Variants in RFX2 observed in about 807,000 individuals in gnomAD.
The protein encoded by RFX2 is DNA-binding protein RFX2.
A neutral mutation model predicts 87.8 loss-of-function variants in RFX2; 20 were observed. The observed-to-expected ratio is 0.23, with a 90% CI of 0.16 to 0.33. The LOEUF (loss-of-function observed/expected upper bound fraction) is 0.33, where lower values mean the gene tolerates loss of function less well. RFX2 is among the 10% of genes least tolerant of loss of function. The pLI is 1.00. For missense variants in RFX2, 767 were observed against 1,012.3 expected, an observed-to-expected ratio of 0.76 and a Z score of 3.29; for synonymous variants, 397 against 431.3, an observed-to-expected ratio of 0.92 and a Z score of 0.98.
At position 6,016,280 on chromosome 19, in the gene RFX2, A is replaced by G; in HGVS notation, c.598-9T>C. On this transcript the variant is annotated splice_polypyrimidine_tract_variant and intron_variant, in intron 6 of 17. Transcript: ENST00000303657. This position sits in a 1 kb window ranked among gnomAD's most constrained non-coding sequence, Gnocchi z 5.4. ...TCCAACAGCCACTGGAGCTGTAAAA[A>G]GAAAGACACGTCTGCGTTTGTCAGA... The G allele has an allele frequency of 6.3e-7, 1 of 1,589,668 alleles. No individual in the cohort carries two copies. Among genetic ancestry groups the G allele is most frequent in the Non-Finnish European group, 8.6e-7 (1 of 1,164,596 alleles).
chr19:6,008,030 G>C, intron 10 of RFX2, 76 bp downstream of exon 10: 4 of 1,117,032 alleles, frequency 3.6e-6, no homozygotes, highest in Non-Finnish European at 4.0e-6. Context: ...AGCGTCACCC[G>C]GGGACGCCTG....
chr19:6,054,132 G>C (rs1316719338), intron 1 of RFX2, among the ~76,000 whole-genome samples: 1 of 151,874 alleles, frequency 6.6e-6, no homozygotes, highest in Non-Finnish European at 1.5e-5. Context: ...AACAACTTTA[G>C]CCCATAAATT....
chr19:6,034,091 A>T (rs2086988315), intron 5 of RFX2, among the ~76,000 whole-genome samples: 1 of 152,078 alleles, frequency 6.6e-6, no homozygotes, highest in Non-Finnish European at 1.5e-5. Flanking sequence ...TTATTTAGAG[A>T]CAGAGTCTTG....
chr19:6,042,617 A>G (rs1568521451), intron 3 of RFX2, among the ~76,000 whole-genome samples: 1 of 151,448 alleles, frequency 6.6e-6, no homozygotes, highest in East Asian at 1.9e-4. Flanking sequence ...TGGCCCCAAC[A>G]CCCCCCGTGG....
rs149368175 is a variant in RFX2, at chr19:6,007,851, G to T, written c.1135-49C>A. 7 of 1,279,260 alleles carry T rather than the reference G, an allele frequency of 5.5e-6. No homozygotes were observed. The highest frequency in any genetic ancestry group is 7.8e-6 in the Non-Finnish European group (7 of 898,820). The allele number at this position is 1,279,260 out of a possible 1,614,324, so 79.2% of individuals were successfully genotyped here. On this transcript the variant is annotated intron_variant, in intron 10 of 17. Coordinates refer to ENST00000303657, the MANE Select transcript of RFX2 (RefSeq NM_000635.4). The surrounding 1 kb of genome is among the most constrained non-coding windows in gnomAD (Gnocchi z 8.2). ...ACAGACGGGTGCGTGCGCCCATCACGTGCACTCAGCACACGTCAAGTGAGC... is the reference window on the plus strand; with the variant it reads ...ACAGACGGGTGCGTGCGCCCATCACTTGCACTCAGCACACGTCAAGTGAGC...
At chr19:6,075,425 G>A (rs1599909637) in intron 1 of RFX2, among the ~76,000 whole-genome samples, 2 of 152,168 alleles carry the variant, frequency 1.3e-5, no homozygotes. Flanking sequence ...AAGTATCAAC[G>A]GTCAATGGAA....
rs1443349181 is a variant in RFX2, at chr19:6,001,157, C to T, written c.1859+658G>A. Among the ~76,000 whole-genome samples the T allele has an allele frequency of 1.3e-5, 2 of 152,222 alleles. No homozygotes were observed. The highest frequency in any genetic ancestry group is 2.4e-5 in the African/African-American group (1 of 41,458). ...TTGTTCGGAAGTCTAATGCTGCTCCCATCCCCAGCCTGTTTCTTTCTCTCT... is the reference window on the plus strand; with the variant it reads ...TTGTTCGGAAGTCTAATGCTGCTCCTATCCCCAGCCTGTTTCTTTCTCTCT... On this transcript the variant is annotated intron_variant, in intron 15 of 17. Transcript: ENST00000303657. This position sits in a 1 kb window ranked among gnomAD's most constrained non-coding sequence, Gnocchi z 5.6.
chr19:6,052,002 C>T (rs549765486), intron 1 of RFX2, among the ~76,000 whole-genome samples: 3 of 152,236 alleles, frequency 2.0e-5, no homozygotes, highest in East Asian at 1.9e-4. Flanking sequence ...CTCAGCCTCC[C>T]GAGTAGCTGG....
At chr19:6,029,309 A>C (rs2144740462) in intron 5 of RFX2, among the ~76,000 whole-genome samples, 1 of 152,224 alleles carries the variant, frequency 6.6e-6, no homozygotes, top group Admixed American at 6.5e-5. Flanking sequence ...AAATAGGACT[A>C]TCTCTGAGAA....
chr19:6,073,389 T>G, intron 1 of RFX2: 1 of 1,147,324 alleles, frequency 8.7e-7, no homozygotes. Flanking sequence ...GAGCTGGAAG[T>G]GCTGATGTGC....
chr19:6,036,632 CA>C (rs1344956417), intron 5 of RFX2, among the ~76,000 whole-genome samples: 3 of 152,076 alleles, frequency 2.0e-5, no homozygotes, highest in Non-Finnish European at 4.4e-5. Context: ...CCAATGAAGA[CA>C]AAAATATGCT....
rs377373385 is a variant in RFX2 at position 6,060,867 on chromosome 19, G to T, written c.-8-13363C>A. 5.1e-4 allele frequency among the ~76,000 whole-genome samples: 77 copies of T among 151,920 alleles called. No homozygotes were observed. The Middle Eastern group carries it at 0.017, about 34-fold the overall frequency. Reference sequence around the variant, plus strand: ...CTCCCCTGTCACACTCAATGTGGACGACCTCCCGGCACCAGGACTCCCAGC... The same window carrying T: ...CTCCCCTGTCACACTCAATGTGGACTACCTCCCGGCACCAGGACTCCCAGC... On this transcript the variant is annotated intron_variant, in intron 1 of 17. Coordinates refer to ENST00000303657, the MANE Select transcript of RFX2 (RefSeq NM_000635.4).
In RFX2 at chr19:6,045,399, G is replaced by C. The variant is rs2087172659; in HGVS notation, c.91-1117C>G. Among the ~76,000 whole-genome samples the C allele has an allele frequency of 6.6e-6, 1 of 152,180 alleles. No individual in the cohort carries two copies. The highest frequency in any genetic ancestry group is 1.5e-5 in the Non-Finnish European group (1 of 68,032). On this transcript the variant is annotated intron_variant, in intron 2 of 17. Coordinates refer to ENST00000303657, the MANE Select transcript of RFX2 (RefSeq NM_000635.4). The surrounding 1 kb of genome is among the most constrained non-coding windows in gnomAD (Gnocchi z 5.2). ...AGGAAGGCAGAGTCCACCTAGGCCT[G>C]GGAGAGCCTGAGAGAGGGGCTTGGC...
In RFX2 at chr19:6,013,108, G is replaced by A; in HGVS notation, c.780-3C>T. ...AGTAATGGTACTTCGAGTTGCCCCT[G>A]GAAACCAAACATCCCAGGGTCAGCT... On this transcript the variant is annotated splice_region_variant and splice_polypyrimidine_tract_variant and intron_variant, in intron 7 of 17. Transcript: ENST00000303657. This position sits in a 1 kb window ranked among gnomAD's most constrained non-coding sequence, Gnocchi z 4.1. The A allele has an allele frequency of 6.3e-7, 1 of 1,586,544 alleles. No homozygotes were observed. Among genetic ancestry groups the A allele is most frequent in the East Asian group, 2.3e-5 (1 of 43,222 alleles).
intron 1 of RFX2, among the ~76,000 whole-genome samples, chr19:6,080,756 G>T (rs930034536): frequency 2.0e-5 from 3 of 152,178 alleles, no homozygotes; most frequent in African/African-American, 7.2e-5. Context: ...TCCAATTGCT[G>T]TCGGGGCTCA....
Position 6,021,843 on chromosome 19 carries a change from T to C in RFX2, c.597+4320A>G, listed in dbSNP as rs493615. ...CTGGGTTTTAGCAGGATCACTCTGG[T>C]GGCTGCTGTGAGAAGGGGCTGGAGG... On this transcript the variant is annotated intron_variant, in intron 6 of 17. Coordinates refer to ENST00000303657, the MANE Select transcript of RFX2 (RefSeq NM_000635.4). This position sits in a 1 kb window ranked among gnomAD's most constrained non-coding sequence, Gnocchi z 5.7. Among the ~76,000 whole-genome samples the C allele has an allele frequency of 0.18, 28,102 of 152,092 alleles. 7,846 individuals carry two copies. The highest frequency in any genetic ancestry group is 0.61 in the African/African-American group (25,131 of 41,452).
rs2086461631 is a variant in RFX2, at chr19:5,999,368, T to C, written c.1860-2155A>G. ...CCCCTCCAGCTCTGAGCTGTGCTCT[T>C]CTCTGGCTGGCAGGCACCTCAGTCC... On this transcript the variant is annotated intron_variant, in intron 15 of 17. Coordinates refer to ENST00000303657, the MANE Select transcript of RFX2 (RefSeq NM_000635.4). The surrounding 1 kb of genome is among the most constrained non-coding windows in gnomAD (Gnocchi z 4.1). 6.6e-6 allele frequency among the ~76,000 whole-genome samples: 1 copy of C among 152,112 alleles called. No homozygotes were observed. The highest frequency in any genetic ancestry group is 6.5e-5 in the Admixed American group (1 of 15,268).
chr19:5,995,742 C>T lies in RFX2; in HGVS notation c.2014-99G>A, dbSNP rs1011640148. ...GGCCCAACCTTGCCTTGAGCCACGT[C>T]CTCCATTCACAGTGAAGCAGCTGGG... On this transcript the variant is annotated intron_variant, in intron 16 of 17. Transcript: ENST00000303657. 14 of 1,034,676 alleles carry T rather than the reference C, an allele frequency of 1.4e-5. No homozygotes were observed. In the African/African-American group the frequency reaches 2.1e-4, roughly 15 times the overall value. The allele number at this position is 1,034,676 out of a possible 1,614,324, so 64.1% of individuals were successfully genotyped here.
At position 6,056,408 on chromosome 19, in the gene RFX2, T is replaced by A. The variant is rs919244057; in HGVS notation, c.-8-8904A>T. On this transcript the variant is annotated intron_variant, in intron 1 of 17. Transcript: ENST00000303657. The surrounding 1 kb of genome is among the most constrained non-coding windows in gnomAD (Gnocchi z 4.6). ...GACACCAGCGATGAGCAGGAGTGGC[T>A]CATGATCCTGGCGGTGCTTCCAGGT... Among the ~76,000 whole-genome samples, 1 of 152,200 alleles carries A rather than the reference T, an allele frequency of 6.6e-6. No individual in the cohort carries two copies. The highest frequency in any genetic ancestry group is 6.5e-5 in the Admixed American group (1 of 15,288).
Sources: gnomAD v4.1 joint callset for allele counts (sites outside exome capture counted in the v4.1 genomes callset) on GRCh38, gnomAD v4.1.1 for gene constraint, Gnocchi (gnomAD v3.1) non-coding constraint, MANE v1.5 for transcripts, NCBI Gene and HGNC (gene_info 2026-07-23, HGNC 2026-07-21) for gene names.